The following PPP6R3 variants were observed in gnomAD, a reference collection of about 807,000 sequenced individuals.
The protein encoded by PPP6R3 is protein phosphatase 6 regulatory subunit 3, also known as serine/threonine-protein phosphatase 6 regulatory subunit 3.
Under a neutral mutation model 110.7 loss-of-function variants are expected in PPP6R3, and 38 were observed. That is an observed-to-expected ratio of 0.34 (90% CI 0.26 to 0.45). PPP6R3 has a LOEUF of 0.45. Among genes scored for constraint, PPP6R3 ranks in the 20% least tolerant of loss-of-function variants. PPP6R3 has a pLI of 1.00. For missense variants in PPP6R3, 870 were observed against 1,062.4 expected, an observed-to-expected ratio of 0.82 and a Z score of 2.52; for synonymous variants, 369 against 373.5, an observed-to-expected ratio of 0.99 and a Z score of 0.14.
intron 10 of PPP6R3, among the ~76,000 whole-genome samples, chr11:68,568,772 A>AT (rs879311640): frequency 0.017 from 2,395 of 143,850 alleles, 52 homozygotes; most frequent in African/African-American, 0.049. Flanking sequence ...AATTCTTACA[A>AT]TTTTTTTTTT....
rs374489396 is a variant in PPP6R3, at chr11:68,609,806, G to A, written c.2451-98G>A. Reference sequence around the variant, plus strand: ...CCCAGGATGCTTTGCCTCCGCGGCAGTCATGACTCCAGAGCCATCTGCATG... The same window carrying A: ...CCCAGGATGCTTTGCCTCCGCGGCAATCATGACTCCAGAGCCATCTGCATG... On this transcript the variant is annotated intron_variant, in intron 22 of 23. Coordinates refer to ENST00000393800, the MANE Select transcript of PPP6R3 (RefSeq NM_001164161.2). The A allele has an allele frequency of 2.5e-4, 402 of 1,588,234 alleles. 3 individuals carry two copies. In the South Asian group the frequency reaches 4.0e-3, roughly 16 times the overall value.
chr11:68,551,230 A>C (rs200517064), intron 6 of PPP6R3, 44 bp downstream of exon 6: 229 of 1,457,248 alleles, frequency 1.6e-4, no homozygotes, highest in Middle Eastern at 1.1e-3. Flanking sequence ...GAAAAAAAAA[A>C]CAAAAAACTG....
At chr11:68,595,983 T>G (rs2099612853) in intron 18 of PPP6R3, 114 bp from the exon 19 acceptor site, 3 of 1,333,852 alleles carry the variant, frequency 2.2e-6, no homozygotes, top group South Asian at 2.7e-5. Flanking sequence ...CAGACAGATG[T>G]GATCCTGCTG....
intron 1 of PPP6R3, among the ~76,000 whole-genome samples, chr11:68,513,917 G>T (rs141108639): frequency 9.9e-5 from 15 of 152,284 alleles, no homozygotes; most frequent in African/African-American, 2.2e-4. Context: ...TAAAATTAAA[G>T]ATCTTAGCTC....
chr11:68,547,902 A>T (rs1288521504), intron 4 of PPP6R3, among the ~76,000 whole-genome samples, 165 bp from the exon 5 acceptor site: 1 of 152,190 alleles, frequency 6.6e-6, no homozygotes, highest in African/African-American at 2.4e-5. Context: ...TATTGTAACT[A>T]TTAGCCAGGC....
intron 12 of PPP6R3, among the ~76,000 whole-genome samples, chr11:68,573,154 A>ATATATATATATATATAT (rs35361909): frequency 1.6e-3 from 116 of 74,182 alleles, no homozygotes; most frequent in East Asian, 2.8e-3. Context: ...ATATATATAT[A>ATATATATATATATATAT]ATTTTTTTTT....
chr11:68,602,052 A>C lies in PPP6R3; in HGVS notation c.2299+83A>C, dbSNP rs563945270. On this transcript the variant is annotated intron_variant, in intron 21 of 23. Coordinates refer to ENST00000393800, the MANE Select transcript of PPP6R3 (RefSeq NM_001164161.2). ...GACCTGATTCTCAGGCTCAGGGGCT[A>C]GTGGAGCCCGGGAGTGAGATGGTGG... 3 of 1,114,178 alleles carry C rather than the reference A, an allele frequency of 2.7e-6. No individual in the cohort carries two copies. The African/African-American group carries it at 4.7e-5, about 17-fold the overall frequency. The allele number at this position is 1,114,178 out of a possible 1,614,324, so 69.0% of individuals were successfully genotyped here.
chr11:68,544,274 A>G (rs946728275), intron 3 of PPP6R3, among the ~76,000 whole-genome samples: 2 of 152,156 alleles, frequency 1.3e-5, no homozygotes, highest in African/African-American at 2.4e-5. Context: ...GCCCAGGCTG[A>G]TGTCCTGTTC....
At chr11:68,547,403 G>T (rs576710334) in intron 4 of PPP6R3, among the ~76,000 whole-genome samples, 2 of 152,226 alleles carry the variant, frequency 1.3e-5, no homozygotes, top group Non-Finnish European at 2.9e-5. Flanking sequence ...ACACAGGGAT[G>T]CATGGGACAG....
intron 1 of PPP6R3, among the ~76,000 whole-genome samples, chr11:68,499,792 C>CA (rs1188983407): frequency 2.6e-5 from 4 of 152,038 alleles, no homozygotes; most frequent in African/African-American, 9.7e-5. Flanking sequence ...AGGCTGGTCT[C>CA]AAACTCCTGG....
intron 1 of PPP6R3, among the ~76,000 whole-genome samples, chr11:68,468,215 C>T (rs1005963857): frequency 2.0e-5 from 3 of 152,216 alleles, no homozygotes; most frequent in Non-Finnish European, 4.4e-5. Context: ...AGTGACATCA[C>T]AGCTGGATTT....
chr11:68,560,188 A>G (rs1319524800), intron 8 of PPP6R3, among the ~76,000 whole-genome samples: 1 of 152,240 alleles, frequency 6.6e-6, no homozygotes, highest in Non-Finnish European at 1.5e-5. Context: ...GGCAAACAGA[A>G]GGAAAGAAAT....
chr11:68,540,770 C>T (rs547888291), intron 3 of PPP6R3, among the ~76,000 whole-genome samples: 2 of 152,266 alleles, frequency 1.3e-5, no homozygotes, highest in Admixed American at 1.3e-4. Context: ...AAGAATTGAG[C>T]GATATTTCTC....
intron 1 of PPP6R3, among the ~76,000 whole-genome samples, chr11:68,502,879 G>A (rs2099055460): frequency 6.6e-6 from 1 of 152,180 alleles, no homozygotes; most frequent in South Asian, 2.1e-4. Flanking sequence ...ACCTGTGTTT[G>A]AAATGCCATG....
chr11:68,570,557 T>C (rs2099500029), intron 11 of PPP6R3, among the ~76,000 whole-genome samples: 1 of 152,242 alleles, frequency 6.6e-6, no homozygotes, highest in African/African-American at 2.4e-5. Context: ...TGTCACTGAC[T>C]TGCAGACTTT....
chr11:68,594,970 A>G (rs1204516218), intron 18 of PPP6R3, among the ~76,000 whole-genome samples: 2 of 152,200 alleles, frequency 1.3e-5, no homozygotes, highest in Non-Finnish European at 2.9e-5. Flanking sequence ...CAGTGAAGAA[A>G]GGATAGTCTT....
intron 2 of PPP6R3, among the ~76,000 whole-genome samples, chr11:68,521,985 G>A (rs2099166399): frequency 6.6e-6 from 1 of 152,080 alleles, no homozygotes; most frequent in African/African-American, 2.4e-5. Context: ...TTCATCTTTG[G>A]AAATGTCTTT....
chr11:68,544,782 C>G (rs2099342123), intron 3 of PPP6R3, 56 bp from the exon 4 acceptor site: 1 of 1,240,398 alleles, frequency 8.1e-7, no homozygotes, highest in Non-Finnish European at 1.1e-6. Context: ...TTGTGTTTAT[C>G]TTTATGTAAT....
chr11:68,571,394 G>C (rs576878559), intron 12 of PPP6R3, among the ~76,000 whole-genome samples: 11 of 152,168 alleles, frequency 7.2e-5, no homozygotes, highest in Non-Finnish European at 1.3e-4. Context: ...TGTTCTAAGA[G>C]TTATAAGGTT....
Sources: allele counts gnomAD v4.1 joint callset (sites outside exome capture counted in the v4.1 genomes callset), GRCh38; gene constraint gnomAD v4.1.1; transcripts MANE v1.5; gene names NCBI Gene and HGNC (gene_info 2026-07-23, HGNC 2026-07-21).